PTGR1: variants seen among roughly 807,000 people sequenced by gnomAD.
The protein encoded by PTGR1 is 15-oxoprostaglandin 13-reductase.
A neutral mutation model predicts 37.7 loss-of-function variants in PTGR1; 23 were observed. That is an observed-to-expected ratio of 0.61 (90% CI 0.44 to 0.86). PTGR1 has a LOEUF of 0.86. Ranked by LOEUF, PTGR1 falls within the 40% of genes least tolerant of loss-of-function variation. PTGR1 has a pLI of 0.00. For missense variants in PTGR1, 351 were observed against 394.3 expected (o/e 0.89, Z 0.93); for synonymous variants, 134 against 140.0 (o/e 0.96, Z 0.30).
In PTGR1 at chr9:111,583,165, A is replaced by G. The variant is rs76213055; in HGVS notation, c.495+307T>C. On this transcript the variant is annotated intron_variant, in intron 6 of 9. Transcript: ENST00000407693. ...CCTTCTTCTATTGCTAAGGACAATCATGAAGAAAGAAGATTAAGCTGTAGC... is the reference window on the plus strand; with the variant it reads ...CCTTCTTCTATTGCTAAGGACAATCGTGAAGAAAGAAGATTAAGCTGTAGC... 1.6e-3 allele frequency among the ~76,000 whole-genome samples: 243 copies of G among 152,392 alleles called. 3 individuals are homozygous for G. The East Asian group carries it at 0.043, about 27-fold the overall frequency.
chr9:111,559,172 C>T (rs1016620443), downstream of PTGR1, among the ~76,000 whole-genome samples: 7 of 152,284 alleles, frequency 4.6e-5, no homozygotes, highest in Admixed American at 3.3e-4. Context: ...ATCCAACCGC[C>T]CATACCAGGT....
chr9:111,590,724 G>T (rs1442848916), intron 4 of PTGR1, among the ~76,000 whole-genome samples: 1 of 151,858 alleles, frequency 6.6e-6, no homozygotes, highest in Non-Finnish European at 1.5e-5. Flanking sequence ...CATTTCTTTG[G>T]GTCTAGAATT....
chr9:111,591,872 G>A (rs1052782927), intron 4 of PTGR1, among the ~76,000 whole-genome samples: 1 of 152,182 alleles, frequency 6.6e-6, no homozygotes, highest in African/African-American at 2.4e-5. Context: ...GCAGGATTGT[G>A]TAAAGACAAT....
chr9:111,574,492 G>T (rs903050615), intron 8 of PTGR1: 8 of 251,020 alleles, frequency 3.2e-5, no homozygotes, highest in East Asian at 9.4e-5. Context: ...GGGACTACAG[G>T]TGTACACCAC....
At chr9:111,556,289 T>G (rs1589285556) in intron 9 of PTGR1, among the ~76,000 whole-genome samples, 1 of 152,248 alleles carries the variant, frequency 6.6e-6, no homozygotes, top group East Asian at 1.9e-4. Flanking sequence ...CAGGGTACAA[T>G]TCCCATGGCT....
chr9:111,550,820 C>T (rs1336769397), intron 9 of PTGR1, among the ~76,000 whole-genome samples: 1 of 152,084 alleles, frequency 6.6e-6, no homozygotes, highest in Non-Finnish European at 1.5e-5. Context: ...GGTTTTGTTT[C>T]ATAGGTGAAA....
intron 8 of PTGR1, among the ~76,000 whole-genome samples, chr9:111,570,753 T>G (rs560845106): frequency 6.6e-6 from 1 of 152,158 alleles, no homozygotes; most frequent in East Asian, 1.9e-4. Context: ...CACTCCAGTC[T>G]GGGTGACAGA....
chr9:111,561,144 AGAG>A (rs1564608076), downstream of PTGR1, among the ~76,000 whole-genome samples: 117 of 51,406 alleles, frequency 2.3e-3, 5 homozygotes, highest in East Asian at 5.7e-3. Context: ...GAGAGGAGAG[AGAG>A]GGAGAGAGAG....
intron 1 of PTGR1, 99 bp from the exon 2 acceptor site, chr9:111,597,531 C>T: frequency 3.0e-6 from 2 of 673,630 alleles, no homozygotes; most frequent in South Asian, 3.7e-5. Context: ...ATTACAATAT[C>T]CTCAAATCCC....
chr9:111,599,075 C>T (rs182462538), intron 1 of PTGR1, among the ~76,000 whole-genome samples: 1 of 152,126 alleles, frequency 6.6e-6, no homozygotes, highest in African/African-American at 2.4e-5. Context: ...CTTCCAAACT[C>T]GCTACAAGTC....
chr9:111,565,282 G>T (rs2132325332), intron 9 of PTGR1, among the ~76,000 whole-genome samples: 1 of 152,154 alleles, frequency 6.6e-6, no homozygotes, highest in East Asian at 1.9e-4. Flanking sequence ...AAAGAGAGAG[G>T]CCTGCAAAGA....
At position 111,586,028 on chromosome 9, in the gene PTGR1, G is replaced by C. The variant is rs375025856; in HGVS notation, c.347C>G (p.Ser116Cys). ...LTEWPDTIPL[S>C]LALGTVGMPG... ...CATGCCAACTGTCCCCAGAGCCAAA[G>C]ACAGTGGTATTGTGTCTGGCCACTC... is the stretch of plus-strand genomic sequence containing the variant. Residue 116 changes from serine to cysteine, a missense_variant, in exon 5 of 10, where the codon TCT becomes TGT. Physicochemically the swap from Ser to Cys is moderately radical, Grantham distance 112. Transcript: ENST00000407693. 1.6e-5 allele frequency: 26 copies of C among 1,614,196 alleles called. No individual in the cohort carries two copies. The African/African-American group carries it at 3.1e-4, about 19-fold the overall frequency.
intron 4 of PTGR1, among the ~76,000 whole-genome samples, chr9:111,591,650 G>T (rs376415232): frequency 6.6e-6 from 1 of 152,074 alleles, no homozygotes; most frequent in Non-Finnish European, 1.5e-5. Context: ...GATCACAGGC[G>T]TGAGCCACTG....
intron 9 of PTGR1, among the ~76,000 whole-genome samples, chr9:111,555,255 G>T (rs1227667772): frequency 2.6e-5 from 4 of 152,104 alleles, no homozygotes; most frequent in Non-Finnish European, 5.9e-5. Flanking sequence ...GGGAATTGTG[G>T]TGAATTGATA....
intron 7 of PTGR1, 42 bp from the exon 8 acceptor site, chr9:111,574,884 C>G: frequency 7.0e-7 from 1 of 1,432,532 alleles, no homozygotes; most frequent in Non-Finnish European, 9.8e-7. Context: ...AATCTAAATA[C>G]TAGAGATTCA....
rs1258804654 is a variant in PTGR1 at position 111,586,142 on chromosome 9, G to A, written c.233C>T (p.Ala78Val). The change falls in exon 5 of 10, where the codon GCC becomes GTC. Residue 78 changes from alanine (A) to valine (V), a missense_variant. Ala to Val is a moderately conservative substitution (Grantham distance 64). Coordinates refer to ENST00000407693, the MANE Select transcript of PTGR1 (RefSeq NM_001146108.2). Reference sequence around the variant, plus strand: ...CAGTACAATAGTTCCTTTTGGTAGGGCTACATTTTTACTTTCCACAACTCT... The same window carrying A: ...CAGTACAATAGTTCCTTTTGGTAGGACTACATTTTTACTTTCCACAACTCT... ...VAKVVESKNVALPKGTIVLAS... is the reference protein window; with the variant it reads ...VAKVVESKNVVLPKGTIVLAS... 1 of 1,613,962 alleles carries A rather than the reference G, an allele frequency of 6.2e-7. No homozygotes were observed. The highest frequency in any genetic ancestry group is 2.2e-5 in the East Asian group (1 of 44,894).
In PTGR1 at chr9:111,597,216, G is replaced by C. The variant is rs1049818108; in HGVS notation, c.106+101C>G. On this transcript the variant is annotated intron_variant, in intron 2 of 9. Coordinates refer to ENST00000407693, the MANE Select transcript of PTGR1 (RefSeq NM_001146108.2). ...CCAAAGAATTGTGAACTAATAAACC[G>C]TTGTTGCTTAAAGTCACTAAACTTT... 23 of 880,100 alleles carry C rather than the reference G, an allele frequency of 2.6e-5. No homozygotes were observed. The Admixed American group carries it at 3.2e-4, about 12-fold the overall frequency. The allele number at this position is 880,100 out of a possible 1,614,324, so 54.5% of individuals were successfully genotyped here. A position where few individuals can be genotyped will look rare whatever the true frequency, so the allele number is the denominator to read the frequency against.
intron 9 of PTGR1, among the ~76,000 whole-genome samples, chr9:111,553,613 T>C (rs1156909863): frequency 6.6e-6 from 1 of 152,218 alleles, no homozygotes; most frequent in African/African-American, 2.4e-5. Flanking sequence ...TGTTTATGTG[T>C]AACACTAGTG....
chr9:111,576,973 C>T (rs1226414984), intron 7 of PTGR1: 1 of 152,202 alleles, frequency 6.6e-6, no homozygotes, highest in African/African-American at 2.4e-5. Flanking sequence ...TGCCTGTAAT[C>T]CCAGCTACTC....
Sources: gnomAD v4.1 joint callset for allele counts (sites outside exome capture counted in the v4.1 genomes callset) on GRCh38, gnomAD v4.1.1 for gene constraint, MANE v1.5 for transcripts, NCBI Gene and HGNC (gene_info 2026-07-23, HGNC 2026-07-21) for gene names.